Variants in ERBB4 observed in about 807,000 individuals in gnomAD.
ERBB4 encodes the protein erb-b2 receptor tyrosine kinase 4.
ERBB4 carries 42 observed loss-of-function variants against 158.0 expected under a neutral mutation model. The observed-to-expected ratio is 0.27, with a 90% confidence interval of 0.21 to 0.34. ERBB4 has a LOEUF of 0.34. Among genes scored for constraint, ERBB4 ranks in the 10% least tolerant of loss-of-function variants. ERBB4 has a pLI of 1.00. For synonymous variants in ERBB4, 583 were observed against 558.7 expected, an observed-to-expected ratio of 1.04 and a Z score of -0.61; for missense variants, 1,333 against 1,624.1, an observed-to-expected ratio of 0.82 and a Z score of 3.08.
chr2:211,490,977 C>T (rs897385124), intron 20 of ERBB4, among the ~76,000 whole-genome samples: 2 of 152,070 alleles, frequency 1.3e-5, no homozygotes, highest in African/African-American at 2.4e-5. Context: ...ATAGATGAGA[C>T]TCCTCATTCT....
At chr2:211,681,871 A>T (rs940634008) in intron 12 of ERBB4, among the ~76,000 whole-genome samples, 1 of 151,872 alleles carries the variant, frequency 6.6e-6, no homozygotes, top group Admixed American at 6.6e-5. Context: ...TTTTGACATC[A>T]TATCTAAAAA....
At chr2:211,591,996 A>G (rs6721804) in intron 19 of ERBB4, among the ~76,000 whole-genome samples, 135,686 of 152,284 alleles carry the variant, frequency 0.89, 60,669 homozygotes, top group African/African-American at 0.96. Context: ...AACGCTCAAA[A>G]TTCTCTCGGC....
intron 20 of ERBB4, among the ~76,000 whole-genome samples, chr2:211,459,140 T>C (rs558741428): frequency 1.3e-5 from 2 of 152,310 alleles, no homozygotes; most frequent in South Asian, 2.1e-4. Context: ...CCTCAAATAA[T>C]TGACTGATTA....
At chr2:211,486,186 T>G (rs2065200673) in intron 20 of ERBB4, among the ~76,000 whole-genome samples, 1 of 152,196 alleles carries the variant, frequency 6.6e-6, no homozygotes, top group African/African-American at 2.4e-5. Flanking sequence ...TAACTGTGGA[T>G]TCAAAGGTAA....
intron 7 of ERBB4, among the ~76,000 whole-genome samples, chr2:211,717,423 T>G (rs968887273): frequency 1.3e-5 from 2 of 152,198 alleles, no homozygotes; most frequent in South Asian, 4.1e-4. Flanking sequence ...AAGAGACATA[T>G]TAAACACACA....
At chr2:211,520,397 T>C (rs761181755) in intron 20 of ERBB4, among the ~76,000 whole-genome samples, 1 of 152,110 alleles carries the variant, frequency 6.6e-6, no homozygotes, top group East Asian at 1.9e-4. Context: ...AGAGATTATG[T>C]AAAACATGGG....
At chr2:212,350,419 A>T (rs1560086986) in intron 1 of ERBB4, among the ~76,000 whole-genome samples, 1 of 152,156 alleles carries the variant, frequency 6.6e-6, no homozygotes, top group East Asian at 1.9e-4. Flanking sequence ...AATTCCAAGA[A>T]CATAAGCAAA....
intron 1 of ERBB4, among the ~76,000 whole-genome samples, chr2:212,152,039 G>A (rs1287697491): frequency 1.3e-5 from 2 of 151,956 alleles, no homozygotes; most frequent in Non-Finnish European, 2.9e-5. Context: ...AAAATATTTT[G>A]TAGCATAAGT....
intron 19 of ERBB4, among the ~76,000 whole-genome samples, chr2:211,573,840 G>T (rs939202553): frequency 1.3e-5 from 2 of 152,132 alleles, no homozygotes; most frequent in Non-Finnish European, 2.9e-5. Context: ...CTGATTTATT[G>T]GGAGGTGAAG....
chr2:212,523,583 C>A (rs1692287528), intron 1 of ERBB4, among the ~76,000 whole-genome samples: 1 of 151,722 alleles, frequency 6.6e-6, no homozygotes, highest in Non-Finnish European at 1.5e-5. Context: ...AAAAAAAATC[C>A]TTCACAAATC....
Position 212,446,578 on chromosome 2 carries a change from C to CATATATATATAT in ERBB4, c.82+91859_82+91870dup, listed in dbSNP as rs1491199974. On this transcript the variant is annotated intron_variant, in intron 1 of 27. Transcript: ENST00000342788. ...TGTAAGTTAATACTTAATAAACTCC[C>CATATATATATAT]ATATATATATATGTATATATATATA... Among the ~76,000 whole-genome samples the CATATATATATAT allele has an allele frequency of 5.9e-4, 34 of 57,228 alleles. 5 individuals carry two copies. The highest frequency in any genetic ancestry group is 9.1e-4 in the Non-Finnish European group (24 of 26,454). The allele number at this position is 57,228 out of a possible 152,430, so 37.5% of individuals were successfully genotyped here. A position where few individuals can be genotyped will look rare whatever the true frequency, so the allele number is the denominator to read the frequency against.
intron 1 of ERBB4, among the ~76,000 whole-genome samples, chr2:212,533,782 T>TA (rs1692884329): frequency 6.6e-6 from 1 of 152,176 alleles, no homozygotes; most frequent in East Asian, 1.9e-4. Flanking sequence ...TCTAAAATGA[T>TA]ATAACCTGGA....
chr2:212,470,088 T>C (rs1360216338), intron 1 of ERBB4, among the ~76,000 whole-genome samples: 1 of 152,152 alleles, frequency 6.6e-6, no homozygotes, highest in African/African-American at 2.4e-5. Context: ...TTTTTTTAAA[T>C]GTCCGGTTTG....
At chr2:212,113,020 C>T (rs1185274081) in intron 2 of ERBB4, among the ~76,000 whole-genome samples, 1 of 152,112 alleles carries the variant, frequency 6.6e-6, no homozygotes, top group Non-Finnish European at 1.5e-5. Context: ...AACAATGTGA[C>T]ATACGGTATA....
At chr2:212,411,973 T>A (rs1256901220) in intron 1 of ERBB4, among the ~76,000 whole-genome samples, 1 of 152,144 alleles carries the variant, frequency 6.6e-6, no homozygotes, top group Non-Finnish European at 1.5e-5. Flanking sequence ...TCTTCTTAGA[T>A]CAACTCTGGG....
intron 2 of ERBB4, among the ~76,000 whole-genome samples, chr2:211,978,565 A>G (rs2081698580): frequency 6.6e-6 from 1 of 152,214 alleles, no homozygotes; most frequent in Non-Finnish European, 1.5e-5. Flanking sequence ...CTAGGACTAC[A>G]GGCATGTGCC....
At chr2:211,931,842 A>G (rs1404078581) in intron 3 of ERBB4, among the ~76,000 whole-genome samples, 1 of 152,062 alleles carries the variant, frequency 6.6e-6, no homozygotes, top group Non-Finnish European at 1.5e-5. Flanking sequence ...ATATTCTTAA[A>G]TATTGTTACT....
intron 20 of ERBB4, among the ~76,000 whole-genome samples, chr2:211,552,494 T>C (rs933882289): frequency 4.6e-5 from 7 of 152,114 alleles, no homozygotes; most frequent in African/African-American, 1.7e-4. Flanking sequence ...AAGGGTACGA[T>C]GGACCACTGA....
At chr2:211,926,762 C>G (rs897601213) in intron 3 of ERBB4, among the ~76,000 whole-genome samples, 1 of 152,120 alleles carries the variant, frequency 6.6e-6, no homozygotes, top group East Asian at 1.9e-4. Flanking sequence ...GCCCAGATAA[C>G]TTTATGCCTT....
Sources: allele counts gnomAD v4.1 joint callset (sites outside exome capture counted in the v4.1 genomes callset), GRCh38; gene constraint gnomAD v4.1.1; transcripts MANE v1.5; gene names NCBI Gene and HGNC (gene_info 2026-07-23, HGNC 2026-07-21).